UFM1: variants seen among roughly 807,000 people sequenced by gnomAD.
UFM1 encodes ubiquitin-fold modifier 1.
A neutral mutation model predicts 15.4 loss-of-function variants in UFM1; 9 were observed. That is an observed-to-expected ratio of 0.59 (90% CI 0.35 to 1.02). The LOEUF (loss-of-function observed/expected upper bound fraction) is 1.02, where lower values mean the gene tolerates loss of function less well. Among genes scored for constraint, UFM1 ranks in the 50% least tolerant of loss-of-function variants. The probability of loss-of-function intolerance (pLI) is 0.02; values close to 1 mark genes in which losing one functional copy is unlikely to be tolerated. For synonymous variants in UFM1, 27 were observed against 36.3 expected (o/e 0.74, Z 0.92); for missense variants, 98 against 104.7 (o/e 0.94, Z 0.28).
At chr13:38,356,334 A>G (rs1308231034) in intron 3 of UFM1, among the ~76,000 whole-genome samples, 1 of 151,888 alleles carries the variant, frequency 6.6e-6, no homozygotes, top group Non-Finnish European at 1.5e-5. Context: ...GAAATCTGAG[A>G]GGCCTATATA....
rs1249076346 is a variant in UFM1, at chr13:38,360,786, T to C, written c.*8T>C. The stretch of plus-strand genomic sequence containing the variant: ...CGTGTTGGAAGTTGTTAATATCTGC[T>C]ACTTGGAACATACGATTGCCTTTCA... On this transcript the variant is annotated 3_prime_UTR_variant, in exon 6 of 6. Coordinates refer to ENST00000239878, the MANE Select transcript of UFM1 (RefSeq NM_016617.4). 5.6e-6 allele frequency: 9 copies of C among 1,600,724 alleles called. No homozygotes were observed. Among genetic ancestry groups the C allele is most frequent in the Non-Finnish European group, 7.7e-6 (9 of 1,171,296 alleles).
intron 3 of UFM1, among the ~76,000 whole-genome samples, chr13:38,356,315 C>G (rs1011111771): frequency 1.3e-5 from 2 of 151,812 alleles, no homozygotes; most frequent in South Asian, 4.1e-4. Flanking sequence ...TTGTAGTACT[C>G]TAGCTTTGGA....
chr13:38,355,430 T>C (rs1454771008), intron 3 of UFM1, among the ~76,000 whole-genome samples: 1 of 152,018 alleles, frequency 6.6e-6, no homozygotes, highest in Non-Finnish European at 1.5e-5. Context: ...AGAAATATTC[T>C]AGTCTGGGGC....
At chr13:38,351,131 A>C (rs1878831288) in intron 2 of UFM1, among the ~76,000 whole-genome samples, 1 of 152,188 alleles carries the variant, frequency 6.6e-6, no homozygotes, top group African/African-American at 2.4e-5. Context: ...TTATATAGTT[A>C]AGAGTCCATT....
intron 3 of UFM1, among the ~76,000 whole-genome samples, chr13:38,355,542 G>A (rs1879055830): frequency 6.6e-6 from 1 of 151,728 alleles, no homozygotes; most frequent in South Asian, 2.1e-4. Context: ...CCTTTATAAT[G>A]CAAAGGCATT....
intron 5 of UFM1, chr13:38,359,993 T>C: frequency 3.0e-6 from 1 of 329,448 alleles, no homozygotes; most frequent in Non-Finnish European, 6.0e-6. Context: ...TTTTAAATTA[T>C]ATTCTAAAGT....
In UFM1 at chr13:38,352,891, A is replaced by C. The variant is rs147625106; in HGVS notation, c.60-1348A>C. On this transcript the variant is annotated intron_variant, in intron 2 of 5. Coordinates refer to ENST00000239878, the MANE Select transcript of UFM1 (RefSeq NM_016617.4). ...TTTAGAAGTTCTCCAATTGATGCAG[A>C]GTTTTAGGAAAATGAATCTCAGATT... Among the ~76,000 whole-genome samples the C allele has an allele frequency of 6.4e-3, 972 of 152,290 alleles. 9 individuals carry two copies. The highest frequency in any genetic ancestry group is 0.022 in the African/African-American group (921 of 41,566).
At chr13:38,350,092 G>A (rs1878756381) in intron 2 of UFM1, 37 bp downstream of exon 2, 1 of 1,614,114 alleles carries the variant, frequency 6.2e-7, no homozygotes, top group Non-Finnish European at 8.5e-7. Flanking sequence ...TTTGGGGCCG[G>A]ACAAGACGGG....
chr13:38,354,357 C>CT, intron 3 of UFM1, 61 bp downstream of exon 3: 1 of 1,476,928 alleles, frequency 6.8e-7, no homozygotes, highest in Non-Finnish European at 9.4e-7. Context: ...CTTCAAATGT[C>CT]TTTAAGAGTT....
chr13:38,353,980 T>C (rs1192301796), intron 2 of UFM1, among the ~76,000 whole-genome samples: 3 of 151,944 alleles, frequency 2.0e-5, no homozygotes, highest in Non-Finnish European at 4.4e-5. Flanking sequence ...GTTAGAAATA[T>C]ATAAATCTAC....
At chr13:38,354,568 T>C (rs1175064325) in intron 3 of UFM1, 10 of 309,158 alleles carry the variant, frequency 3.2e-5, no homozygotes, top group Non-Finnish European at 3.5e-5. Flanking sequence ...AAAAAGGTGC[T>C]GATTTTTAAA....
intron 3 of UFM1, chr13:38,354,956 T>C (rs1477270455): frequency 2.0e-5 from 3 of 152,098 alleles, no homozygotes; most frequent in South Asian, 4.1e-4. Context: ...CAAATCCCTC[T>C]TTTTTATTCT....
At chr13:38,359,474 C>A in intron 5 of UFM1, 141 bp downstream of exon 5, 3 of 800,454 alleles carry the variant, frequency 3.7e-6, no homozygotes, top group Admixed American at 2.4e-5. Context: ...CAGTCTTTAC[C>A]TGTGTGTCTG....
chr13:38,356,938 G>T (rs114455643), intron 3 of UFM1, among the ~76,000 whole-genome samples: 3 of 151,806 alleles, frequency 2.0e-5, no homozygotes, highest in Admixed American at 6.6e-5. Context: ...ACACACTTTG[G>T]CAACTGCTGG....
intron 5 of UFM1, 33 bp downstream of exon 5, chr13:38,359,366 G>A (rs1487973031): frequency 1.2e-6 from 2 of 1,608,566 alleles, no homozygotes; most frequent in Admixed American, 3.3e-5. Context: ...AGGAGTGGGT[G>A]GGGTTATATA....
chr13:38,360,692 GTTTT>G lies in UFM1; in HGVS notation c.191-18_191-15del. ...TTGATTTTTAGATATCTAACTTTAT[GTTTT>G]GTTTGTTTGTATAGGAAATGTTTTT... On this transcript the variant is annotated splice_polypyrimidine_tract_variant and intron_variant, in intron 5 of 5. Transcript: ENST00000239878. 2 of 1,566,574 alleles carry G rather than the reference GTTTT, an allele frequency of 1.3e-6. No individual in the cohort carries two copies. Among genetic ancestry groups the G allele is most frequent in the Non-Finnish European group, 1.7e-6 (2 of 1,146,318 alleles).
intron 2 of UFM1, chr13:38,350,350 G>A (rs1236977488): frequency 5.0e-6 from 5 of 1,004,030 alleles, no homozygotes; most frequent in Non-Finnish European, 7.5e-6. Context: ...CGGGAGGACA[G>A]GTGGACCAGG....
At chr13:38,354,823 C>T (rs1445983214) in intron 3 of UFM1, 2 of 151,898 alleles carry the variant, frequency 1.3e-5, no homozygotes, top group Admixed American at 6.6e-5. Flanking sequence ...ATCTATAATG[C>T]AACTTTTTGG....
At position 38,359,382 on chromosome 13, in the gene UFM1, A is replaced by G. The variant is rs2231334; in HGVS notation, c.190+49A>G. Reference sequence around the variant, plus strand: ...GGAGTGGGTGGGGTTATATATGTCAATTGACACTGAATAGTTAAGCTATTC... The same window carrying G: ...GGAGTGGGTGGGGTTATATATGTCAGTTGACACTGAATAGTTAAGCTATTC... On this transcript the variant is annotated intron_variant, in intron 5 of 5. Transcript: ENST00000239878. The G allele has an allele frequency of 6.8e-3, 10,748 of 1,580,874 alleles. 638 individuals carry two copies. In the African/African-American group the frequency reaches 0.13, roughly 18 times the overall value.
Sources: allele counts gnomAD v4.1 joint callset (sites outside exome capture counted in the v4.1 genomes callset), GRCh38; gene constraint gnomAD v4.1.1; transcripts MANE v1.5; gene names NCBI Gene and HGNC (gene_info 2026-07-23, HGNC 2026-07-21).